The following ANAPC10 variants were observed in gnomAD, a reference collection of about 807,000 sequenced individuals.
The protein encoded by ANAPC10 is anaphase-promoting complex subunit 10.
A neutral mutation model predicts 22.0 loss-of-function variants in ANAPC10; 12 were observed. That is an observed-to-expected ratio of 0.55 (90% CI 0.35 to 0.88). ANAPC10 has a LOEUF of 0.88. Ranked by LOEUF, ANAPC10 falls within the 40% of genes least tolerant of loss-of-function variation. ANAPC10 has a pLI of 0.01. For synonymous variants in ANAPC10, 65 were observed against 69.5 expected, an observed-to-expected ratio of 0.94 and a Z score of 0.32; for missense variants, 188 against 220.9, an observed-to-expected ratio of 0.85 and a Z score of 0.94.
intron 4 of ANAPC10, among the ~76,000 whole-genome samples, chr4:145,001,042 A>AG (rs776607336): frequency 7.9e-5 from 12 of 152,024 alleles, no homozygotes; most frequent in Admixed American, 5.9e-4. Context: ...CGTAGGGTGC[A>AG]GGGCAGGGGG....
At chr4:145,075,611 G>A (rs1745078414) in intron 3 of ANAPC10, among the ~76,000 whole-genome samples, 3 of 152,102 alleles carry the variant, frequency 2.0e-5, no homozygotes, top group South Asian at 4.2e-4. Flanking sequence ...CCGTGAATGG[G>A]GTTGCTGAGC....
At position 145,054,387 on chromosome 4, in the gene ANAPC10, TA is replaced by T. The variant is rs1246582939; in HGVS notation, c.327+10184del. Among the ~76,000 whole-genome samples the T allele has an allele frequency of 8.1e-3, 1,171 of 144,576 alleles. 9 individuals are homozygous for T. The highest frequency in any genetic ancestry group is 0.011 in the Admixed American group (165 of 14,594). The allele number at this position is 144,576 out of a possible 152,430, so 94.8% of individuals were successfully genotyped here. ...CAACATGGTGAAACCCCGTCTCTAC[TA>T]AAAAAAAAATATACAAAAAATTAGC... On this transcript the variant is annotated intron_variant, in intron 4 of 4. Transcript: ENST00000507656.
intron 2 of ANAPC10, among the ~76,000 whole-genome samples, chr4:145,090,965 C>G (rs1747589087): frequency 6.6e-6 from 1 of 152,114 alleles, no homozygotes; most frequent in Non-Finnish European, 1.5e-5. Context: ...CCTAGAGAAG[C>G]AAAGATCGAG....
At chr4:145,018,127 A>G (rs1283055029) in intron 4 of ANAPC10, among the ~76,000 whole-genome samples, 1 of 148,820 alleles carries the variant, frequency 6.7e-6, no homozygotes, top group African/African-American at 2.4e-5. Context: ...TAAAAAAAAT[A>G]TATATATATA....
At chr4:144,996,088 G>A (rs537657835) in intron 4 of ANAPC10, among the ~76,000 whole-genome samples, 24 of 152,276 alleles carry the variant, frequency 1.6e-4, no homozygotes, top group African/African-American at 4.8e-5. Flanking sequence ...AGTAATTAAC[G>A]ACAGGGTTCG....
At chr4:145,015,496 A>G (rs1734978668) in intron 4 of ANAPC10, among the ~76,000 whole-genome samples, 1 of 152,144 alleles carries the variant, frequency 6.6e-6, no homozygotes, top group Admixed American at 6.5e-5. Context: ...AGAGAAATCT[A>G]AAAGCTGAAA....
rs1030508327 is a variant in ANAPC10 at position 145,000,039 on chromosome 4, T to C, written c.328-4436A>G. 1.2e-4 allele frequency among the ~76,000 whole-genome samples: 19 copies of C among 152,168 alleles called. No individual in the cohort carries two copies. The South Asian group carries it at 1.4e-3, about 12-fold the overall frequency. ...AACTGGATCCCTTCCTTACACCTTA[T>C]ACAAAAATTAATTCAAGATGGATTA... is the stretch of plus-strand genomic sequence containing the variant. On this transcript the variant is annotated intron_variant, in intron 4 of 4. Transcript: ENST00000507656.
rs555365967 is a variant in ANAPC10 at position 145,009,651 on chromosome 4, C to A, written c.328-14048G>T. On this transcript the variant is annotated intron_variant, in intron 4 of 4. Coordinates refer to ENST00000507656, the MANE Select transcript of ANAPC10 (RefSeq NM_001256706.2). Reference sequence around the variant, plus strand: ...AAGCTGAAACTGGATCCCTTCCTTACACCTTACACAAAAATTAATTCAAGA... The same window carrying A: ...AAGCTGAAACTGGATCCCTTCCTTAAACCTTACACAAAAATTAATTCAAGA... Among the ~76,000 whole-genome samples the A allele has an allele frequency of 6.2e-3, 937 of 152,248 alleles. 7 individuals are homozygous for A. Among genetic ancestry groups the A allele is most frequent in the Non-Finnish European group, 9.9e-3 (672 of 68,016 alleles).
chr4:145,069,929 A>G (rs1425613218), intron 3 of ANAPC10, among the ~76,000 whole-genome samples: 1 of 152,178 alleles, frequency 6.6e-6, no homozygotes, highest in Non-Finnish European at 1.5e-5. Flanking sequence ...TTGGGAAGAG[A>G]CAGTTATTTT....
At chr4:145,033,067 C>A (rs1307720920) in intron 4 of ANAPC10, 2 of 152,196 alleles carry the variant, frequency 1.3e-5, no homozygotes, top group African/African-American at 4.8e-5. Context: ...CCTGAAGCAG[C>A]TGGATAGACA....
At chr4:145,013,907 G>A (rs1185835700) in intron 4 of ANAPC10, among the ~76,000 whole-genome samples, 1 of 152,146 alleles carries the variant, frequency 6.6e-6, no homozygotes, top group East Asian at 1.9e-4. Flanking sequence ...TACAGGGGTA[G>A]AGAAAGCAGT....
At chr4:145,007,057 T>C (rs1733483476) in intron 4 of ANAPC10, among the ~76,000 whole-genome samples, 1 of 151,872 alleles carries the variant, frequency 6.6e-6, no homozygotes, top group Non-Finnish European at 1.5e-5. Context: ...GATGGACGAA[T>C]AAGAACAGCT....
intron 4 of ANAPC10, among the ~76,000 whole-genome samples, chr4:144,998,226 C>T (rs529479953): frequency 1.3e-3 from 194 of 152,272 alleles, no homozygotes; most frequent in African/African-American, 4.4e-3. Flanking sequence ...CTGCACCAAG[C>T]GGACCTAATA....
chr4:145,026,933 ATATATATATATATGTGTGTGTGTG>A (rs1162077806), intron 4 of ANAPC10, among the ~76,000 whole-genome samples: 1 of 21,398 alleles, frequency 4.7e-5, no homozygotes, highest in Non-Finnish European at 9.7e-5. Context: ...ATATATATAT[ATATATATATATATGTGTGTGTGTG>A]TATATATATA....
rs531660588 is a variant in ANAPC10 at position 145,039,616 on chromosome 4, AAC to A, written c.327+24954_327+24955del. On this transcript the variant is annotated intron_variant, in intron 4 of 4. Transcript: ENST00000507656. ...GGTATACTCTTTTTTTTTTGTTTGA[AAC>A]ACAGTCTCGCTCTGTCGCCTGGCTG... Among the ~76,000 whole-genome samples, 126 of 151,862 alleles carry A rather than the reference AAC, an allele frequency of 8.3e-4. 1 individual carries two copies. Among genetic ancestry groups the A allele is most frequent in the African/African-American group, 2.9e-3 (119 of 41,452 alleles).
intron 3 of ANAPC10, 71 bp from the exon 4 acceptor site, chr4:145,064,763 G>GA: frequency 7.1e-6 from 9 of 1,265,664 alleles, no homozygotes; most frequent in Non-Finnish European, 8.5e-6. Context: ...CTTATCTTCT[G>GA]ATTTTAAAAA....
chr4:145,031,528 A>G (rs1737578295), intron 4 of ANAPC10, among the ~76,000 whole-genome samples: 1 of 152,178 alleles, frequency 6.6e-6, no homozygotes, highest in Admixed American at 6.5e-5. Context: ...TTCTCATTTG[A>G]ATGTGTTACT....
intron 2 of ANAPC10, among the ~76,000 whole-genome samples, chr4:145,082,155 T>G (rs1746136257): frequency 6.6e-6 from 1 of 152,174 alleles, no homozygotes; most frequent in African/African-American, 2.4e-5. Flanking sequence ...CTAGGAGATA[T>G]TATATTTTTT....
chr4:145,074,160 T>G (rs1433653530), intron 3 of ANAPC10, among the ~76,000 whole-genome samples: 1 of 151,394 alleles, frequency 6.6e-6, no homozygotes, highest in Non-Finnish European at 1.5e-5. Context: ...ATATATTATA[T>G]AAAATAGAGA....
Sources: gnomAD v4.1 joint callset for allele counts (sites outside exome capture counted in the v4.1 genomes callset) on GRCh38, gnomAD v4.1.1 for gene constraint, MANE v1.5 for transcripts, NCBI Gene and HGNC (gene_info 2026-07-23, HGNC 2026-07-21) for gene names.